SLC25A12: variants seen among roughly 807,000 people sequenced by gnomAD.
SLC25A12 encodes the protein solute carrier family 25 member 12, also known as electrogenic aspartate/glutamate antiporter SLC25A12, mitochondrial.
SLC25A12 carries 32 observed loss-of-function variants against 83.3 expected under a neutral mutation model. The observed-to-expected ratio is 0.38, with a 90% CI of 0.29 to 0.52. The LOEUF is 0.52. Ranked by LOEUF, SLC25A12 falls within the 20% of genes least tolerant of loss-of-function variation. The pLI, the probability that SLC25A12 is intolerant of heterozygous loss-of-function variation, is 0.84. For synonymous variants in SLC25A12, 267 were observed against 291.1 expected, an observed-to-expected ratio of 0.92 and a Z score of 0.84; for missense variants, 611 against 835.6, an observed-to-expected ratio of 0.73 and a Z score of 3.31.
At chr2:171,871,113 G>A (rs1685448191) in intron 2 of SLC25A12, among the ~76,000 whole-genome samples, 1 of 152,070 alleles carries the variant, frequency 6.6e-6, no homozygotes, top group African/African-American at 2.4e-5. Context: ...GAGGAGGGAG[G>A]ATCACTGGAA....
intron 2 of SLC25A12, chr2:171,871,670 A>T (rs1685460862): frequency 1.1e-6 from 1 of 950,898 alleles, no homozygotes; most frequent in Non-Finnish European, 1.3e-6. Context: ...GTCCCAAGTT[A>T]GTTCCTCTCT....
In SLC25A12 at chr2:171,842,225, T is replaced by C. The variant is rs369606690; in HGVS notation, c.465+2144A>G. Among the ~76,000 whole-genome samples, 8 of 151,590 alleles carry C rather than the reference T, an allele frequency of 5.3e-5. No individual in the cohort carries two copies. The East Asian group carries it at 5.8e-4, about 11-fold the overall frequency. On this transcript the variant is annotated intron_variant, in intron 5 of 17. Transcript: ENST00000422440. ...CAGCCACAAAAAAGGAATAAAGCAC[T>C]GATACATGCTATGACATGGATAATT... is the stretch of plus-strand genomic sequence containing the variant.
At chr2:171,794,333 T>A (rs540337743) in intron 13 of SLC25A12, among the ~76,000 whole-genome samples, 1 of 152,246 alleles carries the variant, frequency 6.6e-6, no homozygotes, top group South Asian at 2.1e-4. Flanking sequence ...AAATGTATTA[T>A]CCTAAGCAAA....
chr2:171,876,991 A>G (rs1241260543), intron 2 of SLC25A12, among the ~76,000 whole-genome samples: 1 of 152,212 alleles, frequency 6.6e-6, no homozygotes, highest in Non-Finnish European at 1.5e-5. Flanking sequence ...TCCAAGCCCA[A>G]CTCAAGTATT....
intron 3 of SLC25A12, among the ~76,000 whole-genome samples, chr2:171,857,902 G>A (rs1685079680): frequency 6.6e-6 from 1 of 151,786 alleles, no homozygotes; most frequent in Non-Finnish European, 1.5e-5. Context: ...ACCCAAGTGA[G>A]ACCCATTTCA....
intron 2 of SLC25A12, among the ~76,000 whole-genome samples, chr2:171,870,294 CATA>C (rs1685431951): frequency 6.6e-6 from 1 of 152,044 alleles, no homozygotes; most frequent in East Asian, 1.9e-4. Flanking sequence ...TATTTATAGT[CATA>C]ATAATATAGA....
intron 8 of SLC25A12, among the ~76,000 whole-genome samples, chr2:171,830,021 C>A (rs912060241): frequency 6.6e-6 from 1 of 152,170 alleles, no homozygotes; most frequent in African/African-American, 2.4e-5. Flanking sequence ...TTGCACAGGG[C>A]AAGGAGGAAA....
chr2:171,798,016 A>C (rs80169816), intron 13 of SLC25A12, among the ~76,000 whole-genome samples: 1,980 of 152,298 alleles, frequency 0.013, 37 homozygotes, highest in African/African-American at 0.043. Context: ...ATTAATACTA[A>C]AACAGACTTA....
At chr2:171,853,026 G>A (rs1295083158) in intron 4 of SLC25A12, among the ~76,000 whole-genome samples, 2 of 152,096 alleles carry the variant, frequency 1.3e-5, no homozygotes, top group South Asian at 4.1e-4. Context: ...TTTAAAAAAT[G>A]TTTTAAATTT....
At chr2:171,880,965 A>C (rs913696596) in intron 2 of SLC25A12, among the ~76,000 whole-genome samples, 1 of 152,226 alleles carries the variant, frequency 6.6e-6, no homozygotes, top group African/African-American at 2.4e-5. Flanking sequence ...TCTGGGGCTT[A>C]GTTTCCTCAT....
intron 3 of SLC25A12, among the ~76,000 whole-genome samples, chr2:171,860,557 G>A (rs1418716680): frequency 3.9e-5 from 6 of 151,922 alleles, no homozygotes; most frequent in Admixed American, 3.3e-4. Flanking sequence ...AGCCGAGATC[G>A]GGCCACTGCA....
In SLC25A12 at chr2:171,783,904, G is replaced by A. The variant is rs1690439786; in HGVS notation, c.*1370C>T. The stretch of plus-strand genomic sequence containing the variant: ...CGAGGAGCACTGTGCAGGATACTAA[G>A]TAACTTGGTCTGTCTCCAGGCTCGC... On this transcript the variant is annotated 3_prime_UTR_variant, in exon 18 of 18. Coordinates refer to ENST00000422440, the MANE Select transcript of SLC25A12 (RefSeq NM_003705.5). 2.0e-5 allele frequency among the ~76,000 whole-genome samples: 3 copies of A among 152,204 alleles called. No individual in the cohort carries two copies. Among genetic ancestry groups the A allele is most frequent in the South Asian group, 2.1e-4 (1 of 4,828 alleles).
chr2:171,819,373 ATATT>A (rs1684130265), intron 9 of SLC25A12, among the ~76,000 whole-genome samples: 1 of 44,546 alleles, frequency 2.2e-5, no homozygotes, highest in African/African-American at 5.4e-5. Flanking sequence ...TATATATAAT[ATATT>A]ATATATAATA....
At chr2:171,873,681 G>C (rs1459319466) in intron 2 of SLC25A12, among the ~76,000 whole-genome samples, 1 of 151,826 alleles carries the variant, frequency 6.6e-6, no homozygotes, top group African/African-American at 2.4e-5. Context: ...AGAGGCAATC[G>C]ATTTCTTATG....
intron 17 of SLC25A12, among the ~76,000 whole-genome samples, chr2:171,786,396 A>T (rs1690491174): frequency 6.6e-6 from 1 of 151,478 alleles, no homozygotes; most frequent in African/African-American, 2.4e-5. Flanking sequence ...AAAAAAAAAA[A>T]AAAAAAAAGA....
intron 2 of SLC25A12, among the ~76,000 whole-genome samples, chr2:171,886,512 C>CTT (rs370401395): frequency 3.1e-5 from 4 of 127,548 alleles, no homozygotes; most frequent in African/African-American, 8.7e-5. Flanking sequence ...CATATATATT[C>CTT]TTTTTTTTTT....
intron 13 of SLC25A12, among the ~76,000 whole-genome samples, chr2:171,796,351 A>G (rs1410497712): frequency 2.0e-5 from 3 of 152,224 alleles, no homozygotes; most frequent in African/African-American, 7.2e-5. Context: ...CATAACCACA[A>G]AACTCAATTG....
intron 9 of SLC25A12, among the ~76,000 whole-genome samples, chr2:171,823,143 T>C (rs989962671): frequency 1.3e-5 from 2 of 152,242 alleles, no homozygotes; most frequent in African/African-American, 4.8e-5. Flanking sequence ...GGAATGTTTT[T>C]TCAAGGCTGA....
At chr2:171,819,824 C>CA (rs1684145785) in intron 9 of SLC25A12, among the ~76,000 whole-genome samples, 1 of 151,890 alleles carries the variant, frequency 6.6e-6, no homozygotes, top group Admixed American at 6.6e-5. Context: ...ACAAAGAAAA[C>CA]AAAGTCCTAT....
Sources: gnomAD v4.1 joint callset for allele counts (sites outside exome capture counted in the v4.1 genomes callset) on GRCh38, gnomAD v4.1.1 for gene constraint, MANE v1.5 for transcripts, NCBI Gene and HGNC (gene_info 2026-07-23, HGNC 2026-07-21) for gene names.